The following TMCO6 variants were observed in gnomAD, a reference collection of about 807,000 sequenced individuals.
TMCO6 encodes the protein transmembrane and coiled-coil domain-containing protein 6.
Under a neutral mutation model 61.8 loss-of-function variants are expected in TMCO6, and 47 were observed. The ratio of observed to expected loss-of-function variants is 0.76; its 90% CI spans 0.60 to 0.97. The LOEUF is 0.97. Ranked by LOEUF, TMCO6 falls within the 50% of genes least tolerant of loss-of-function variation. TMCO6 has a pLI of 0.00. For missense variants in TMCO6, 557 were observed against 601.6 expected, an observed-to-expected ratio of 0.93 and a Z score of 0.78; for synonymous variants, 261 against 254.2, an observed-to-expected ratio of 1.03 and a Z score of -0.25.
intron 8 of TMCO6, 25 bp from the exon 9 acceptor site, chr5:140,643,755 C>G: frequency 1.9e-6 from 3 of 1,611,464 alleles, no homozygotes; most frequent in Non-Finnish European, 2.5e-6. Flanking sequence ...CTTCTTACAC[C>G]TGACCCCCCA....
In TMCO6 at chr5:140,644,071, A is replaced by G. The variant is rs369823572; in HGVS notation, c.1106-29A>G. 3 of 1,612,646 alleles carry G rather than the reference A, an allele frequency of 1.9e-6. No individual in the cohort carries two copies. In the African/African-American group the frequency reaches 4.0e-5, roughly 22 times the overall value. Reference sequence around the variant, plus strand: ...ATTGACAGGGGTGGTGGGGGAAAGCAGTTTTTCACCCTGGTACTTCTCTTC... The same window carrying G: ...ATTGACAGGGGTGGTGGGGGAAAGCGGTTTTTCACCCTGGTACTTCTCTTC... On this transcript the variant is annotated intron_variant, in intron 9 of 11. Transcript: ENST00000394671.
At chr5:140,603,883 G>GT in the TMCO6 span, among the ~76,000 whole-genome samples, 1 of 152,136 alleles carries the variant, frequency 6.6e-6, no homozygotes, top group South Asian at 2.1e-4. Flanking sequence ...GGGTCATATG[G>GT]TAATTATATG....
At chr5:140,599,241 A>C in the TMCO6 span, among the ~76,000 whole-genome samples, 1 of 152,242 alleles carries the variant, frequency 6.6e-6, no homozygotes, top group South Asian at 2.1e-4. Context: ...AAGTGAGCAC[A>C]CTGGGAAATT....
At chr5:140,628,340 C>T in the TMCO6 span, among the ~76,000 whole-genome samples, 14 of 152,272 alleles carry the variant, frequency 9.2e-5, no homozygotes, top group South Asian at 2.1e-4. Flanking sequence ...CCTGAAATTG[C>T]GGCCCAGCAG....
the TMCO6 span, among the ~76,000 whole-genome samples, chr5:140,598,750 A>T: frequency 9.2e-4 from 140 of 152,296 alleles, no homozygotes; most frequent in African/African-American, 3.1e-3. Flanking sequence ...CCTGGTCAAC[A>T]TGGTGAAACC....
chr5:140,631,587 G>A, the TMCO6 span: 1 of 360,092 alleles, frequency 2.8e-6, no homozygotes, highest in Non-Finnish European at 5.0e-6. Flanking sequence ...TTCTATCCCC[G>A]CAGTTCTTTT....
At chr5:140,644,833 T>C in intron 11 of TMCO6, 93 bp downstream of exon 11, 16 of 1,552,086 alleles carry the variant, frequency 1.0e-5, no homozygotes, top group Non-Finnish European at 1.4e-5. Context: ...GTTGTTTCTC[T>C]GGGCCTGGCT....
rs1430248892 is a variant in TMCO6 at position 140,644,224 on chromosome 5, T to A, written c.1200+30T>A. The A allele has an allele frequency of 1.9e-6, 3 of 1,601,858 alleles. No individual in the cohort carries two copies. In the Admixed American group the frequency reaches 5.0e-5, roughly 27 times the overall value. ...GTATTGGGGTTACTTGAATCCAAGATCTGGTAGTCGGATTGTATGGGACAG... is the reference window on the plus strand; with the variant it reads ...GTATTGGGGTTACTTGAATCCAAGAACTGGTAGTCGGATTGTATGGGACAG... On this transcript the variant is annotated intron_variant, in intron 10 of 11. Transcript: ENST00000394671.
the TMCO6 span, among the ~76,000 whole-genome samples, chr5:140,611,128 T>A: frequency 0.011 from 1,632 of 152,218 alleles, 11 homozygotes; most frequent in Admixed American, 0.021. Flanking sequence ...TCTAACCAAG[T>A]TAGGTCAGAG....
In TMCO6 at chr5:140,643,947, GCTC is replaced by G. The variant is rs770479299; in HGVS notation, c.1090_1092del (p.Leu364del). On this transcript the variant is annotated inframe_deletion, in exon 9 of 12. Transcript: ENST00000394671. ...CCAGTCTGCTCCCTGAGGGCCTTTG[GCTC>G]CTCAACAACCTCACTGGTACGCACC... is the stretch of plus-strand genomic sequence containing the variant. 13 of 1,614,160 alleles carry G rather than the reference GCTC, an allele frequency of 8.1e-6. No homozygotes were observed. The South Asian group carries it at 1.2e-4, about 15-fold the overall frequency.
Position 140,645,217 on chromosome 5 carries a change from G to A in TMCO6, c.*119G>A. On this transcript the variant is annotated 3_prime_UTR_variant, in exon 12 of 12. Transcript: ENST00000394671. ...TCATGTTCTCTGCTCCCACACCTAAGCCAAGACCTTTGGGTCCCAGCTCCT... is the reference window on the plus strand; with the variant it reads ...TCATGTTCTCTGCTCCCACACCTAAACCAAGACCTTTGGGTCCCAGCTCCT... 1.9e-6 allele frequency: 2 copies of A among 1,049,332 alleles called. No individual in the cohort carries two copies. Among genetic ancestry groups the A allele is most frequent in the Non-Finnish European group, 2.8e-6 (2 of 707,524 alleles). 65.0% of individuals were successfully genotyped at this position (1,049,332 alleles called of 1,614,324 possible). A position where few individuals can be genotyped will look rare whatever the true frequency, so the allele number is the denominator to read the frequency against.
In TMCO6 at chr5:140,639,825, G is replaced by A. The variant is rs1465722124; in HGVS notation, c.172G>A (p.Val58Met). 6.2e-7 allele frequency: 1 copy of A among 1,609,156 alleles called. No homozygotes were observed. Among genetic ancestry groups the A allele is most frequent in the South Asian group, 1.1e-5 (1 of 89,666 alleles). ...CCCAGAGGAAGCTGGAGAGGGATGTGTGGCTGCGATCCTCGGGGAAACCGA... is the reference window on the plus strand; with the variant it reads ...CCCAGAGGAAGCTGGAGAGGGATGTATGGCTGCGATCCTCGGGGAAACCGA... ...DAPEEAGEGC[V>M]AAILGETEVQ... is the part of the protein sequence containing the mutation. The change falls in exon 2 of 12, where the codon GTG (valine) becomes ATG (methionine). Residue 58 changes from valine to methionine, a missense_variant. By Grantham distance (21) the Val-to-Met change is conservative. Transcript: ENST00000394671.
At chr5:140,620,405 C>G in the TMCO6 span, among the ~76,000 whole-genome samples, 1 of 152,184 alleles carries the variant, frequency 6.6e-6, no homozygotes, top group Admixed American at 6.5e-5. Flanking sequence ...GCACCGAAGC[C>G]TTTTAGGGCA....
At chr5:140,628,630 G>T in the TMCO6 span, among the ~76,000 whole-genome samples, 1 of 152,028 alleles carries the variant, frequency 6.6e-6, no homozygotes, top group Non-Finnish European at 1.5e-5. Flanking sequence ...GTAGAGACAG[G>T]TTTCACCATG....
At chr5:140,610,736 A>G in the TMCO6 span, among the ~76,000 whole-genome samples, 2 of 152,164 alleles carry the variant, frequency 1.3e-5, no homozygotes, top group Non-Finnish European at 2.9e-5. Flanking sequence ...ACTAATTTTC[A>G]TGGCAAGAAC....
the TMCO6 span, among the ~76,000 whole-genome samples, chr5:140,622,872 T>G: frequency 6.6e-6 from 1 of 152,088 alleles, no homozygotes; most frequent in African/African-American, 2.4e-5. Context: ...TTTACTTTCT[T>G]TTTATGTATT....
At position 140,644,214 on chromosome 5, in the gene TMCO6, G is replaced by A. The variant is rs371111589; in HGVS notation, c.1200+20G>A. Reference sequence around the variant, plus strand: ...GTAATGGTATGTATTGGGGTTACTTGAATCCAAGATCTGGTAGTCGGATTG... The same window carrying A: ...GTAATGGTATGTATTGGGGTTACTTAAATCCAAGATCTGGTAGTCGGATTG... On this transcript the variant is annotated intron_variant, in intron 10 of 11. Coordinates refer to ENST00000394671, the MANE Select transcript of TMCO6 (RefSeq NM_018502.5). The A allele has an allele frequency of 4.3e-6, 7 of 1,609,886 alleles. No individual in the cohort carries two copies. The African/African-American group carries it at 9.4e-5, about 22-fold the overall frequency.
chr5:140,616,535 C>A, the TMCO6 span, among the ~76,000 whole-genome samples: 7 of 152,154 alleles, frequency 4.6e-5, no homozygotes, highest in Non-Finnish European at 1.0e-4. Flanking sequence ...GCACTCCAAC[C>A]TGAGTGACAG....
At chr5:140,613,989 C>G in the TMCO6 span, among the ~76,000 whole-genome samples, 2 of 152,036 alleles carry the variant, frequency 1.3e-5, no homozygotes, top group Non-Finnish European at 2.9e-5. Flanking sequence ...ACATCCGCCT[C>G]CCCGGTTCAT....
Sources: allele counts gnomAD v4.1 joint callset (sites outside exome capture counted in the v4.1 genomes callset), GRCh38; gene constraint gnomAD v4.1.1; transcripts MANE v1.5; gene names NCBI Gene and HGNC (gene_info 2026-07-23, HGNC 2026-07-21).